Variants in CCDC171 observed in about 807,000 individuals in gnomAD.
CCDC171 encodes coiled-coil domain-containing protein 171.
CCDC171 carries 177 observed loss-of-function variants against 168.2 expected under a neutral mutation model. The observed-to-expected ratio is 1.05, with a 90% CI of 0.93 to 1.19. CCDC171 has a LOEUF of 1.19. CCDC171 is among the 50% of genes most tolerant of loss of function. The pLI is 0.00. For synonymous variants in CCDC171, 687 were observed against 540.8 expected (o/e 1.27, Z -3.75); for missense variants, 1,991 against 1,539.0 (o/e 1.29, Z -4.91).
chr9:16,044,374 G>A (rs1254265588), intron 1 of CCDC171, among the ~76,000 whole-genome samples: 1 of 151,978 alleles, frequency 6.6e-6, no homozygotes, highest in Non-Finnish European at 1.5e-5. Flanking sequence ...TGTATACGTT[G>A]GGTTGTTTGA....
At chr9:15,920,224 G>T (rs753381565) in intron 24 of CCDC171, 46 bp from the exon 25 acceptor site, 1 of 1,199,824 alleles carries the variant, frequency 8.3e-7, no homozygotes, top group Non-Finnish European at 1.1e-6. Context: ...CTCCTTTGGG[G>T]ACATATTTAT....
At chr9:15,754,080 A>G (rs1413098442) in intron 18 of CCDC171, among the ~76,000 whole-genome samples, 1 of 152,206 alleles carries the variant, frequency 6.6e-6, no homozygotes. Context: ...GGATGGGAAC[A>G]TATTTTCAGA....
chr9:15,711,364 A>G (rs926425789), intron 11 of CCDC171, among the ~76,000 whole-genome samples: 2 of 152,164 alleles, frequency 1.3e-5, no homozygotes, highest in African/African-American at 4.8e-5. Flanking sequence ...TCTTTGACCT[A>G]TATCAGTTTG....
intron 23 of CCDC171, among the ~76,000 whole-genome samples, chr9:15,857,462 G>C (rs768877898): frequency 6.6e-6 from 1 of 151,752 alleles, no homozygotes. Flanking sequence ...CTGCTCTGTC[G>C]CTAAGGCTGG....
intron 25 of CCDC171, among the ~76,000 whole-genome samples, chr9:15,967,604 A>T (rs2132737239): frequency 6.6e-6 from 1 of 152,308 alleles, no homozygotes; most frequent in African/African-American, 2.4e-5. Flanking sequence ...GCAGACCTGT[A>T]GAATTTCAAA....
intron 18 of CCDC171, among the ~76,000 whole-genome samples, chr9:15,764,948 A>G (rs1400348592): frequency 6.6e-6 from 1 of 152,214 alleles, no homozygotes; most frequent in Non-Finnish European, 1.5e-5. Flanking sequence ...TTTAGAGGTT[A>G]GGAAATGAGA....
chr9:15,969,006 G>T (rs1006748970), intron 25 of CCDC171, among the ~76,000 whole-genome samples: 1 of 152,030 alleles, frequency 6.6e-6, no homozygotes, highest in Non-Finnish European at 1.5e-5. Flanking sequence ...TATACTTTTG[G>T]GGGGTACAAG....
intron 6 of CCDC171, among the ~76,000 whole-genome samples, chr9:15,616,457 A>T (rs940390841): frequency 4.6e-5 from 7 of 151,832 alleles, no homozygotes; most frequent in Non-Finnish European, 8.8e-5. Flanking sequence ...TTATTTTACT[A>T]TATAAAATAC....
At chr9:15,767,900 A>T (rs12346205) in intron 18 of CCDC171, among the ~76,000 whole-genome samples, 47,437 of 120,050 alleles carry the variant, frequency 0.4, 10,959 homozygotes, top group East Asian at 0.66. Context: ...CATTAAAAAA[A>T]TTTTTTTAAT....
intron 7 of CCDC171, among the ~76,000 whole-genome samples, chr9:15,653,987 A>C (rs2047729551): frequency 6.6e-6 from 1 of 152,118 alleles, no homozygotes; most frequent in African/African-American, 2.4e-5. Context: ...AGATATCCAA[A>C]TGTCCTCATT....
chr9:15,695,259 G>A lies in CCDC171; in HGVS notation c.1240G>A (p.Val414Ile). 6.2e-7 allele frequency: 1 copy of A among 1,613,964 alleles called. No individual in the cohort carries two copies. ...VMAKKHQAFL[V>I]ETCENNVKEL... ...GGCTAAGAAGCACCAGGCCTTCCTA[G>A]TAGAGACATGTGAAAATAACGTGAA... Residue 414 changes from valine (V) to isoleucine (I), a missense_variant, in exon 11 of 26, where the codon GTA (valine) becomes ATA (isoleucine). Transcript: ENST00000380701.
chr9:15,646,162 A>G (rs944883452), intron 7 of CCDC171, among the ~76,000 whole-genome samples: 1 of 152,262 alleles, frequency 6.6e-6, no homozygotes, highest in Admixed American at 6.5e-5. Context: ...TCATAAGTGA[A>G]GGAGAAATAA....
At chr9:15,899,720 T>C (rs1163540319) in intron 24 of CCDC171, among the ~76,000 whole-genome samples, 1 of 152,232 alleles carries the variant, frequency 6.6e-6, no homozygotes, top group Non-Finnish European at 1.5e-5. Flanking sequence ...GAATTGTCTT[T>C]TTACTGTTGA....
chr9:15,806,959 C>G (rs2059111329), intron 21 of CCDC171, among the ~76,000 whole-genome samples: 1 of 152,170 alleles, frequency 6.6e-6, no homozygotes, highest in East Asian at 1.9e-4. Flanking sequence ...TGTCTTATTT[C>G]AGAGAGCCAG....
At chr9:15,994,119 T>C (rs935051024) in intron 3 of CCDC171, among the ~76,000 whole-genome samples, 2 of 152,120 alleles carry the variant, frequency 1.3e-5, no homozygotes, top group Non-Finnish European at 2.9e-5. Flanking sequence ...AAACATGCTC[T>C]ATAAAGACAC....
rs766709851 is a variant in CCDC171, at chr9:15,868,566, A to G, written c.3469-5966A>G. ...ACAGGTGCAAGGAAACTATTGAGGAAAATAAAGATGTTTAATATTCATTGA... is the reference window on the plus strand; with the variant it reads ...ACAGGTGCAAGGAAACTATTGAGGAGAATAAAGATGTTTAATATTCATTGA... On this transcript the variant is annotated intron_variant, in intron 23 of 25. Coordinates refer to ENST00000380701, the MANE Select transcript of CCDC171 (RefSeq NM_173550.4). 1.8e-4 allele frequency among the ~76,000 whole-genome samples: 27 copies of G among 151,942 alleles called. 1 individual carries two copies. The highest frequency in any genetic ancestry group is 1.3e-4 in the Admixed American group (2 of 15,228).
intron 6 of CCDC171, among the ~76,000 whole-genome samples, chr9:15,597,885 T>C (rs945306393): frequency 2.0e-5 from 3 of 152,322 alleles, no homozygotes; most frequent in Non-Finnish European, 4.4e-5. Context: ...AGGGTGTATG[T>C]GTCCAGGAAT....
intron 6 of CCDC171, among the ~76,000 whole-genome samples, chr9:15,613,685 G>A (rs2043876606): frequency 6.6e-6 from 1 of 151,940 alleles, no homozygotes; most frequent in South Asian, 2.1e-4. Context: ...ACCATGCCCG[G>A]CTAATTTTTT....
At chr9:15,774,376 G>A (rs1015648790) in intron 18 of CCDC171, among the ~76,000 whole-genome samples, 3 of 150,738 alleles carry the variant, frequency 2.0e-5, no homozygotes, top group Admixed American at 6.6e-5. Context: ...CACTAAGATC[G>A]GGAAATGTAA....
Sources: allele counts gnomAD v4.1 joint callset (sites outside exome capture counted in the v4.1 genomes callset), GRCh38; gene constraint gnomAD v4.1.1; transcripts MANE v1.5; gene names NCBI Gene and HGNC (gene_info 2026-07-23, HGNC 2026-07-21).